The following DSCAM variants were observed in gnomAD, a reference collection of about 807,000 sequenced individuals.
DSCAM encodes the protein cell adhesion molecule DSCAM.
DSCAM carries 47 observed loss-of-function variants against 217.7 expected under a neutral mutation model. That is an observed-to-expected ratio of 0.22 (90% confidence interval 0.17 to 0.28). The LOEUF is 0.28. Among genes scored for constraint, DSCAM ranks in the 10% least tolerant of loss-of-function variants. The pLI is 1.00. For synonymous variants in DSCAM, 1,056 were observed against 1,015.3 expected (o/e 1.04, Z -0.76); for missense variants, 2,080 against 2,618.3 (o/e 0.79, Z 4.49).
At chr21:40,064,618 A>G (rs1445874507) in intron 27 of DSCAM, among the ~76,000 whole-genome samples, 1 of 151,964 alleles carries the variant, frequency 6.6e-6, no homozygotes, top group Non-Finnish European at 1.5e-5. Context: ...CCTTCCCTAA[A>G]CCTAACACTG....
chr21:40,356,158 C>A (rs995357611), intron 4 of DSCAM, among the ~76,000 whole-genome samples: 4 of 151,918 alleles, frequency 2.6e-5, no homozygotes, highest in African/African-American at 4.8e-5. Context: ...AGTGGGATTG[C>A]TAGATCATAT....
chr21:40,780,423 G>GTGTGTGTGTATATATATATA (rs1007015659), intron 1 of DSCAM, among the ~76,000 whole-genome samples: 9 of 56,418 alleles, frequency 1.6e-4, no homozygotes, highest in African/African-American at 2.3e-4. Flanking sequence ...GTGTGTGTGT[G>GTGTGTGTGTATATATATATA]TATATATATA....
intron 3 of DSCAM, among the ~76,000 whole-genome samples, chr21:40,541,332 T>C (rs2076541289): frequency 6.6e-6 from 1 of 152,200 alleles, no homozygotes; most frequent in Non-Finnish European, 1.5e-5. Context: ...ACAAGACCTA[T>C]GTGGAAAGTA....
In DSCAM at chr21:40,144,717, A is replaced by T. The variant is rs759343260; in HGVS notation, c.3033T>A (p.His1011Gln). Residue 1011 changes from histidine (H) to glutamine (Q), a missense_variant, in exon 17 of 33, where the codon CAT (histidine) becomes CAA (glutamine). His to Gln is a conservative substitution (Grantham distance 24). Transcript: ENST00000400454. This position sits in a 1 kb window ranked among gnomAD's most constrained non-coding sequence, Gnocchi z 4.8. ...AGCCACGGATAATCCCATTTTGCAA[A>T]TGTTTCTTGGGAGCCTAAACAGGAG... ...IRVTWKAPKKHLQNGIIRGYQ... is the reference protein window; with the variant it reads ...IRVTWKAPKKQLQNGIIRGYQ... 12 of 1,614,036 alleles carry T rather than the reference A, an allele frequency of 7.4e-6. No individual in the cohort carries two copies. The Admixed American group carries it at 2.0e-4, about 27-fold the overall frequency.
intron 3 of DSCAM, among the ~76,000 whole-genome samples, chr21:40,537,530 T>G (rs1461274276): frequency 6.6e-6 from 1 of 151,940 alleles, no homozygotes; most frequent in African/African-American, 2.4e-5. Context: ...TACTAATCCC[T>G]AGTACCTCTG....
intron 11 of DSCAM, among the ~76,000 whole-genome samples, chr21:40,206,802 C>T (rs1451487373): frequency 6.6e-6 from 1 of 152,120 alleles, no homozygotes; most frequent in African/African-American, 2.4e-5. Flanking sequence ...TCCCAGCTAG[C>T]TGGGGGACTG....
intron 1 of DSCAM, among the ~76,000 whole-genome samples, chr21:40,767,900 CTGTG>C (rs985401541): frequency 6.3e-4 from 96 of 151,986 alleles, no homozygotes; most frequent in African/African-American, 1.6e-3. Flanking sequence ...CTCTCTCTCC[CTGTG>C]TGTGTGTGCG....
At chr21:40,242,885 T>C (rs1008250068) in intron 11 of DSCAM, among the ~76,000 whole-genome samples, 2 of 152,252 alleles carry the variant, frequency 1.3e-5, no homozygotes, top group Non-Finnish European at 2.9e-5. Flanking sequence ...TTTCTGGATC[T>C]GTTTCCCACC....
At chr21:40,490,615 C>T (rs528487096) in intron 3 of DSCAM, among the ~76,000 whole-genome samples, 4 of 152,290 alleles carry the variant, frequency 2.6e-5, no homozygotes, top group Non-Finnish European at 4.4e-5. Flanking sequence ...AGTACCCCCA[C>T]CCTGACGTCA....
intron 10 of DSCAM, among the ~76,000 whole-genome samples, chr21:40,282,590 CAAAAAAAAAAA>C (rs528248714): frequency 0.1 from 3,341 of 32,928 alleles, 154 homozygotes; most frequent in East Asian, 0.31. Context: ...GACTCTGTCT[CAAAAAAAAAAA>C]AAAAAAAAAA....
intron 3 of DSCAM, among the ~76,000 whole-genome samples, chr21:40,550,864 G>C (rs9984536): frequency 0.57 from 85,846 of 151,890 alleles, 24,601 homozygotes; most frequent in South Asian, 0.62. Flanking sequence ...GAAACAGCAG[G>C]GCTGCTTACA....
At chr21:40,586,702 C>G (rs4818144) in intron 3 of DSCAM, among the ~76,000 whole-genome samples, 70,052 of 151,966 alleles carry the variant, frequency 0.46, 16,778 homozygotes, top group Admixed American at 0.55. Flanking sequence ...CAAGAAGGTG[C>G]GAGAGGTGTG....
intron 20 of DSCAM, among the ~76,000 whole-genome samples, chr21:40,112,374 C>T (rs2089909934): frequency 6.6e-6 from 1 of 151,938 alleles, no homozygotes; most frequent in Admixed American, 6.6e-5. Flanking sequence ...CCAATGAGAA[C>T]AAAGACACAA....
chr21:40,843,268 C>A (rs531411536), intron 1 of DSCAM, among the ~76,000 whole-genome samples: 1 of 152,146 alleles, frequency 6.6e-6, no homozygotes, highest in African/African-American at 2.4e-5. Flanking sequence ...CCCAGCACCC[C>A]ACCGTCTCTA....
intron 19 of DSCAM, 105 bp downstream of exon 19, chr21:40,133,749 T>C: frequency 1.4e-6 from 2 of 1,381,950 alleles, no homozygotes; most frequent in Non-Finnish European, 1.9e-6. Context: ...CAGCAAAGGT[T>C]TGCACTGAGA....
chr21:40,227,470 C>T (rs1028316357), intron 11 of DSCAM, among the ~76,000 whole-genome samples: 6 of 152,282 alleles, frequency 3.9e-5, no homozygotes, highest in African/African-American at 1.4e-4. Flanking sequence ...CAATAGTAGA[C>T]AACATTTGGG....
rs146748122 is a variant in DSCAM at position 40,746,033 on chromosome 21, A to G, written c.44-37262T>C. Reference sequence around the variant, plus strand: ...TGATTTTAAGCATCATGGTATTTACAAAGCAAAAACTTATAATAGATACAC... The same window carrying G: ...TGATTTTAAGCATCATGGTATTTACGAAGCAAAAACTTATAATAGATACAC... On this transcript the variant is annotated intron_variant, in intron 1 of 32. Transcript: ENST00000400454. Among the ~76,000 whole-genome samples, 1,059 of 152,122 alleles carry G rather than the reference A, an allele frequency of 7.0e-3. 13 individuals are homozygous for G. The highest frequency in any genetic ancestry group is 0.024 in the African/African-American group (1,010 of 41,564).
intron 10 of DSCAM, among the ~76,000 whole-genome samples, chr21:40,277,477 T>C (rs1369559815): frequency 6.6e-6 from 1 of 152,096 alleles, no homozygotes; most frequent in African/African-American, 2.4e-5. Flanking sequence ...TTTAGATTTC[T>C]CAGCAACTTG....
intron 3 of DSCAM, among the ~76,000 whole-genome samples, chr21:40,469,330 C>T (rs1318277696): frequency 2.0e-5 from 3 of 152,072 alleles, no homozygotes; most frequent in Non-Finnish European, 2.9e-5. Context: ...GAAAAAAAGA[C>T]ATGGGAAAGC....
Sources: gnomAD v4.1 joint callset for allele counts (sites outside exome capture counted in the v4.1 genomes callset) on GRCh38, gnomAD v4.1.1 for gene constraint, Gnocchi (gnomAD v3.1) non-coding constraint, MANE v1.5 for transcripts, NCBI Gene and HGNC (gene_info 2026-07-23, HGNC 2026-07-21) for gene names.